CACNA2D3: variants seen among roughly 807,000 people sequenced by gnomAD.
CACNA2D3 encodes voltage-dependent calcium channel subunit alpha-2/delta-3.
Under a neutral mutation model 160.6 loss-of-function variants are expected in CACNA2D3, and 60 were observed. The ratio of observed to expected loss-of-function variants is 0.37; its 90% CI spans 0.30 to 0.46. The LOEUF (loss-of-function observed/expected upper bound fraction) is 0.46. Among genes scored for constraint, CACNA2D3 ranks in the 20% least tolerant of loss-of-function variants. The probability of loss-of-function intolerance (pLI) is 1.00; values close to 1 mark genes in which losing one functional copy is unlikely to be tolerated. For missense variants in CACNA2D3, 1,205 were observed against 1,365.0 expected, an observed-to-expected ratio of 0.88 and a Z score of 1.85; for synonymous variants, 558 against 492.9, an observed-to-expected ratio of 1.13 and a Z score of -1.75.
intron 30 of CACNA2D3, among the ~76,000 whole-genome samples, 182 bp downstream of exon 30, chr3:54,984,852 C>T (rs1702581301): frequency 6.6e-6 from 1 of 152,148 alleles, no homozygotes; most frequent in Non-Finnish European, 1.5e-5. Flanking sequence ...CAGCAGGCCC[C>T]AAAGAGTTTT....
At chr3:55,049,626 G>C (rs1447252996) in intron 35 of CACNA2D3, among the ~76,000 whole-genome samples, 1 of 148,526 alleles carries the variant, frequency 6.7e-6, no homozygotes, top group Non-Finnish European at 1.5e-5. Flanking sequence ...GGTCCGCTTG[G>C]TGCAGAGCTG....
chr3:54,587,921 T>G (rs1172199453), intron 9 of CACNA2D3, among the ~76,000 whole-genome samples: 1 of 152,178 alleles, frequency 6.6e-6, no homozygotes, highest in Non-Finnish European at 1.5e-5. Flanking sequence ...TAATATCAAT[T>G]TTACACAATC....
chr3:55,011,903 A>G (rs564182028), intron 34 of CACNA2D3, among the ~76,000 whole-genome samples: 10 of 145,580 alleles, frequency 6.9e-5, no homozygotes, highest in African/African-American at 2.5e-4. Context: ...ACTTTTCCAC[A>G]ATTTTACTAA....
intron 13 of CACNA2D3, among the ~76,000 whole-genome samples, chr3:54,809,503 A>G (rs1703240256): frequency 7.0e-6 from 1 of 143,496 alleles, no homozygotes; most frequent in African/African-American, 2.8e-5. Flanking sequence ...TATTTTTAGT[A>G]GAGACGGGGT....
chr3:54,690,550 C>T (rs1478160011), intron 11 of CACNA2D3, among the ~76,000 whole-genome samples: 1 of 152,002 alleles, frequency 6.6e-6, no homozygotes, highest in Non-Finnish European at 1.5e-5. Context: ...CTTATTTTTA[C>T]CTATATTTTC....
intron 28 of CACNA2D3, among the ~76,000 whole-genome samples, chr3:54,968,768 G>A (rs1702209435): frequency 6.6e-6 from 1 of 152,168 alleles, no homozygotes; most frequent in Non-Finnish European, 1.5e-5. Flanking sequence ...CCTTCCAAAG[G>A]AGTTTTTCTT....
intron 5 of CACNA2D3, among the ~76,000 whole-genome samples, chr3:54,533,752 T>C (rs891908919): frequency 1.3e-5 from 2 of 151,840 alleles, no homozygotes; most frequent in Non-Finnish European, 1.5e-5. Flanking sequence ...AGAAGGGTCA[T>C]GGTGTGTGCA....
At chr3:54,860,973 C>T (rs988900952) in intron 17 of CACNA2D3, among the ~76,000 whole-genome samples, 3 of 152,200 alleles carry the variant, frequency 2.0e-5, no homozygotes, top group Admixed American at 1.3e-4. Flanking sequence ...TAAATGACTA[C>T]ATAGACTAAT....
chr3:54,765,518 A>G (rs901522592), intron 13 of CACNA2D3, among the ~76,000 whole-genome samples: 2 of 152,172 alleles, frequency 1.3e-5, no homozygotes, highest in African/African-American at 4.8e-5. Context: ...TGCCCCATTT[A>G]TGTTGGCACC....
intron 3 of CACNA2D3, among the ~76,000 whole-genome samples, chr3:54,368,275 G>T (rs1012703894): frequency 6.6e-6 from 1 of 152,178 alleles, no homozygotes; most frequent in African/African-American, 2.4e-5. Context: ...TTCTAGACCA[G>T]CCTAGGCAAT....
intron 5 of CACNA2D3, among the ~76,000 whole-genome samples, chr3:54,558,948 T>C (rs543603232): frequency 6.6e-6 from 1 of 152,248 alleles, no homozygotes; most frequent in African/African-American, 2.4e-5. Flanking sequence ...GGATCTAGCC[T>C]GCCTTGGAGG....
rs117838656 is a variant in CACNA2D3 at position 55,073,046 on chromosome 3, A to G, written c.2988-399A>G. Among the ~76,000 whole-genome samples the G allele has an allele frequency of 2.0e-5, 3 of 152,310 alleles. No homozygotes were observed. In the East Asian group the frequency reaches 5.8e-4, roughly 29 times the overall value. On this transcript the variant is annotated intron_variant, in intron 35 of 37. Transcript: ENST00000474759. ...TCAGTCTATCGTTGAGGGAAGGAGG[A>G]GAGAAAACGCCACTTAGAGGAACAT...
chr3:54,643,716 G>C (rs1290782325), intron 11 of CACNA2D3, among the ~76,000 whole-genome samples: 2 of 152,232 alleles, frequency 1.3e-5, no homozygotes, highest in Non-Finnish European at 2.9e-5. Flanking sequence ...GAAAGGAGGA[G>C]ACTGCTTGAC....
intron 4 of CACNA2D3, among the ~76,000 whole-genome samples, chr3:54,493,238 C>T (rs1055986296): frequency 3.3e-5 from 5 of 151,726 alleles, no homozygotes; most frequent in African/African-American, 7.3e-5. Flanking sequence ...CTACCACACC[C>T]GGCTAATTTT....
chr3:54,996,390 G>T (rs76159027), intron 31 of CACNA2D3, among the ~76,000 whole-genome samples: 329 of 152,288 alleles, frequency 2.2e-3, no homozygotes, highest in South Asian at 3.7e-3. Flanking sequence ...CCATGGGAGG[G>T]GCTGCGTGAA....
In CACNA2D3 at chr3:54,700,626, A is replaced by G. The variant is rs1575429671; in HGVS notation, c.1168-51973A>G. ...ATTTTTATTTTTAATATGTATGGTT[A>G]TAGCCTTAGAATTTTATAATTTATG... On this transcript the variant is annotated intron_variant, in intron 11 of 37. Coordinates refer to ENST00000474759, the MANE Select transcript of CACNA2D3 (RefSeq NM_018398.3). Among the ~76,000 whole-genome samples the G allele has an allele frequency of 5.3e-5, 8 of 152,358 alleles. No individual in the cohort carries two copies. In the South Asian group the frequency reaches 1.7e-3, roughly 32 times the overall value.
At chr3:54,887,519 A>G (rs1699954371) in intron 23 of CACNA2D3, among the ~76,000 whole-genome samples, 1 of 152,210 alleles carries the variant, frequency 6.6e-6, no homozygotes, top group Non-Finnish European at 1.5e-5. Context: ...TTATTAAGTT[A>G]TGGTATCTCT....
intron 2 of CACNA2D3, among the ~76,000 whole-genome samples, chr3:54,170,256 A>G (rs945724180): frequency 6.6e-6 from 1 of 151,472 alleles, no homozygotes; most frequent in African/African-American, 2.4e-5. Context: ...AGCAACAGGT[A>G]CCCAGGCGGT....
intron 5 of CACNA2D3, among the ~76,000 whole-genome samples, chr3:54,539,163 G>A (rs1701932284): frequency 6.6e-6 from 1 of 152,152 alleles, no homozygotes; most frequent in Non-Finnish European, 1.5e-5. Context: ...TCCTAGTAGG[G>A]TCACCTAGGG....
Sources: allele counts gnomAD v4.1 joint callset (sites outside exome capture counted in the v4.1 genomes callset), GRCh38; gene constraint gnomAD v4.1.1; transcripts MANE v1.5; gene names NCBI Gene and HGNC (gene_info 2026-07-23, HGNC 2026-07-21).